KLHL14: variants seen among roughly 807,000 people sequenced by gnomAD.
KLHL14 encodes kelch like family member 14, also known as kelch-like protein 14.
KLHL14 carries 22 observed loss-of-function variants against 64.3 expected under a neutral mutation model. That is an observed-to-expected ratio of 0.34 (90% CI 0.24 to 0.49). KLHL14 has a LOEUF of 0.49. KLHL14 is among the 20% of genes least tolerant of loss of function. The probability of loss-of-function intolerance (pLI) is 0.99; values close to 1 mark genes in which losing one functional copy is unlikely to be tolerated. For missense variants in KLHL14, 661 were observed against 789.0 expected (o/e 0.84, Z 1.94); for synonymous variants, 322 against 333.4 (o/e 0.97, Z 0.37).
chr18:32,722,065 G>A (rs1296879823), intron 3 of KLHL14, among the ~76,000 whole-genome samples: 1 of 152,146 alleles, frequency 6.6e-6, no homozygotes, highest in Admixed American at 6.6e-5. Flanking sequence ...TTTTATAAAA[G>A]GGAAGTTCCC....
intron 3 of KLHL14, among the ~76,000 whole-genome samples, chr18:32,736,577 T>C (rs1025499586): frequency 6.6e-6 from 1 of 152,114 alleles, no homozygotes; most frequent in Admixed American, 6.6e-5. Context: ...TTCTTAATTC[T>C]TGAACCTGTC....
At chr18:32,677,444 GAAGACACAAATGCATAA>G in intron 7 of KLHL14, 114 bp from the exon 8 acceptor site, 1 of 983,964 alleles carries the variant, frequency 1.0e-6, no homozygotes, top group Non-Finnish European at 1.5e-6. Context: ...TTATGTTTTT[GAAGACACAAATGCATAA>G]ATTCACTGAG....
intron 3 of KLHL14, among the ~76,000 whole-genome samples, chr18:32,711,630 T>A (rs80281932): frequency 0.01 from 1,542 of 152,292 alleles, 22 homozygotes; most frequent in African/African-American, 0.035. Context: ...GTTAATGAAC[T>A]GTCCTCTTCC....
chr18:32,741,887 A>G (rs2050200270), intron 3 of KLHL14, 41 bp downstream of exon 3: 6 of 1,513,454 alleles, frequency 4.0e-6, no homozygotes, highest in Non-Finnish European at 5.3e-6. Flanking sequence ...CTAACCTGAA[A>G]TAAATAGGTG....
chr18:32,682,286 T>C (rs2049843767), intron 5 of KLHL14, among the ~76,000 whole-genome samples: 1 of 152,220 alleles, frequency 6.6e-6, no homozygotes, highest in African/African-American at 2.4e-5. Flanking sequence ...TTATGTTTGC[T>C]TTTTCTAGAT....
At chr18:32,722,533 A>G (rs7230438) in intron 3 of KLHL14, among the ~76,000 whole-genome samples, 45,189 of 152,072 alleles carry the variant, frequency 0.3, 7,023 homozygotes, top group African/African-American at 0.38. Flanking sequence ...CCACTTGTAC[A>G]TTCTGAGAAA....
At chr18:32,735,782 T>C (rs1229651126) in intron 3 of KLHL14, among the ~76,000 whole-genome samples, 1 of 152,186 alleles carries the variant, frequency 6.6e-6, no homozygotes, top group Non-Finnish European at 1.5e-5. Context: ...ACTATTAACA[T>C]GGTGATATTT....
intron 3 of KLHL14, among the ~76,000 whole-genome samples, chr18:32,700,822 T>A (rs548403273): frequency 6.6e-6 from 1 of 152,114 alleles, no homozygotes; most frequent in East Asian, 1.9e-4. Flanking sequence ...GCAAGGGTAG[T>A]GAGTTTTGAC....
At chr18:32,721,254 G>GA (rs1195375223) in intron 3 of KLHL14, among the ~76,000 whole-genome samples, 2 of 152,120 alleles carry the variant, frequency 1.3e-5, no homozygotes, top group Non-Finnish European at 2.9e-5. Flanking sequence ...ATCCTACTGA[G>GA]AAAAAACCCA....
intron 2 of KLHL14, among the ~76,000 whole-genome samples, chr18:32,760,706 T>A (rs2050310004): frequency 6.6e-6 from 1 of 152,116 alleles, no homozygotes; most frequent in South Asian, 2.1e-4. Context: ...TGTGAAAGGC[T>A]TTGGGAGCAG....
At chr18:32,766,429 G>C (rs2050345490) in intron 2 of KLHL14, among the ~76,000 whole-genome samples, 2 of 151,948 alleles carry the variant, frequency 1.3e-5, no homozygotes, top group Non-Finnish European at 2.9e-5. Flanking sequence ...TTGACTTGTA[G>C]AAAGATTAAA....
chr18:32,695,716 C>T (rs558956658), intron 3 of KLHL14, among the ~76,000 whole-genome samples, 164 bp from the exon 4 acceptor site: 1 of 152,240 alleles, frequency 6.6e-6, no homozygotes, highest in South Asian at 2.1e-4. Flanking sequence ...ATCCAGGGAT[C>T]CCTATGCAGT....
At chr18:32,716,484 G>A (rs1000534205) in intron 3 of KLHL14, among the ~76,000 whole-genome samples, 8 of 151,560 alleles carry the variant, frequency 5.3e-5, no homozygotes, top group Admixed American at 2.6e-4. Context: ...GCACGATCTC[G>A]GCTCACTGCA....
chr18:32,725,338 G>A (rs990530274), intron 3 of KLHL14, among the ~76,000 whole-genome samples: 4 of 152,022 alleles, frequency 2.6e-5, no homozygotes, highest in South Asian at 2.1e-4. Flanking sequence ...CCTTCCTTGC[G>A]TTTTTATTCC....
At position 32,673,297 on chromosome 18, in the gene KLHL14, T is replaced by G. The variant is rs1469440164; in HGVS notation, c.*1360A>C. ...ATTACTGTTTTGAATGACACATTTG[T>G]TGAAGGATTCAACACCATCTCTGGA... On this transcript the variant is annotated 3_prime_UTR_variant, in exon 9 of 9. Transcript: ENST00000359358. The G allele has an allele frequency of 1.3e-5, 2 of 152,552 alleles. No homozygotes were observed. Among genetic ancestry groups the G allele is most frequent in the Non-Finnish European group, 2.9e-5 (2 of 68,036 alleles). The allele number at this position is 152,552 out of a possible 1,614,324, so 9.4% of individuals were successfully genotyped here.
intron 4 of KLHL14, among the ~76,000 whole-genome samples, chr18:32,690,222 G>A (rs912877847): frequency 2.0e-5 from 3 of 152,130 alleles, no homozygotes; most frequent in Non-Finnish European, 4.4e-5. Context: ...TGGCATTACC[G>A]GCAAAACAGT....
At chr18:32,725,916 T>C (rs910243292) in intron 3 of KLHL14, among the ~76,000 whole-genome samples, 1 of 152,240 alleles carries the variant, frequency 6.6e-6, no homozygotes. Context: ...CTCTATGAAA[T>C]GGAAGTTCTG....
chr18:32,756,354 A>T (rs1357444739), intron 2 of KLHL14, among the ~76,000 whole-genome samples: 1 of 152,106 alleles, frequency 6.6e-6, no homozygotes, highest in African/African-American at 2.4e-5. Flanking sequence ...AATTGGAGAC[A>T]ATAAATTTTT....
At chr18:32,733,764 T>C (rs1370688563) in intron 3 of KLHL14, 1 of 165,868 alleles carries the variant, frequency 6.0e-6, no homozygotes, top group Non-Finnish European at 1.3e-5. Flanking sequence ...ACAAAAAAAA[T>C]AATGAACAGA....
Sources: gnomAD v4.1 joint callset for allele counts (sites outside exome capture counted in the v4.1 genomes callset) on GRCh38, gnomAD v4.1.1 for gene constraint, MANE v1.5 for transcripts, NCBI Gene and HGNC (gene_info 2026-07-23, HGNC 2026-07-21) for gene names.